The following CLDN16 variants were observed in gnomAD, a reference collection of about 807,000 sequenced individuals.
CLDN16 encodes the protein claudin 16.
A neutral mutation model predicts 24.6 loss-of-function variants in CLDN16; 13 were observed. The ratio of observed to expected loss-of-function variants is 0.53; its 90% CI spans 0.34 to 0.84. CLDN16 has a LOEUF of 0.84. Ranked by LOEUF, CLDN16 falls within the 40% of genes least tolerant of loss-of-function variation. The probability of loss-of-function intolerance (pLI) is 0.01; values close to 1 mark genes in which losing one functional copy is unlikely to be tolerated. For missense variants in CLDN16, 298 were observed against 292.7 expected, an observed-to-expected ratio of 1.02 and a Z score of -0.13; for synonymous variants, 116 against 106.7, an observed-to-expected ratio of 1.09 and a Z score of -0.54.
upstream of CLDN16, among the ~76,000 whole-genome samples, chr3:190,384,642 C>T (rs780249295): frequency 6.6e-6 from 1 of 152,162 alleles, no homozygotes; most frequent in Non-Finnish European, 1.5e-5. Context: ...GATTAGGACA[C>T]TTTTGCCAGC....
intron 1 of CLDN16, among the ~76,000 whole-genome samples, chr3:190,333,609 C>T (rs912399651): frequency 3.3e-5 from 5 of 151,754 alleles, no homozygotes; most frequent in Non-Finnish European, 7.4e-5. Context: ...ATCTACTGAT[C>T]TTTCATCTTT....
intron 1 of CLDN16, among the ~76,000 whole-genome samples, chr3:190,365,029 C>G (rs982628465): frequency 1.3e-5 from 2 of 151,778 alleles, no homozygotes; most frequent in African/African-American, 4.8e-5. Context: ...GGAATTTGCT[C>G]TCAGCCCCCT....
At chr3:190,396,120 T>C (rs190962488) in intron 1 of CLDN16, among the ~76,000 whole-genome samples, 1 of 152,296 alleles carries the variant, frequency 6.6e-6, no homozygotes, top group Non-Finnish European at 1.5e-5. Flanking sequence ...GAAGTCTTAA[T>C]GGGAGACTGC....
the CLDN16 span, chr3:190,312,929 C>T: frequency 8.1e-6 from 13 of 1,614,078 alleles, 1 homozygote; most frequent in East Asian, 8.9e-5. Flanking sequence ...TGCACCTCAT[C>T]GTCTTCCAAG....
At chr3:190,292,122 T>A in the CLDN16 span, among the ~76,000 whole-genome samples, 4 of 152,222 alleles carry the variant, frequency 2.6e-5, no homozygotes, top group Non-Finnish European at 5.9e-5. Flanking sequence ...ACCCCACATT[T>A]ATTTCCCTTC....
At chr3:190,313,031 A>G in the CLDN16 span, 6 of 1,614,044 alleles carry the variant, frequency 3.7e-6, no homozygotes, top group African/African-American at 1.3e-5. Context: ...GTTGCTTGCA[A>G]TGTGCCTGGC....
intron 1 of CLDN16, among the ~76,000 whole-genome samples, chr3:190,356,197 T>C (rs962499399): frequency 6.6e-6 from 1 of 151,812 alleles, no homozygotes; most frequent in Admixed American, 6.6e-5. Flanking sequence ...AATATATTAG[T>C]AATGACATCT....
At chr3:190,307,594 A>C in the CLDN16 span, 1 of 152,210 alleles carries the variant, frequency 6.6e-6, no homozygotes, top group African/African-American at 2.4e-5. Context: ...AATGTAGGCT[A>C]TGAAATGTGT....
intron 1 of CLDN16, among the ~76,000 whole-genome samples, chr3:190,400,733 T>G (rs1468846818): frequency 3.3e-5 from 5 of 152,210 alleles, no homozygotes; most frequent in African/African-American, 1.2e-4. Flanking sequence ...GTTGGATATC[T>G]AGGTTGATTC....
At chr3:190,353,729 T>G (rs977508939) in intron 1 of CLDN16, among the ~76,000 whole-genome samples, 9 of 152,106 alleles carry the variant, frequency 5.9e-5, no homozygotes, top group African/African-American at 1.4e-4. Flanking sequence ...TCATTTTTAT[T>G]GATAAGTTGC....
At chr3:190,355,486 A>G (rs1717748728) in intron 1 of CLDN16, among the ~76,000 whole-genome samples, 2 of 151,896 alleles carry the variant, frequency 1.3e-5, no homozygotes, top group South Asian at 4.1e-4. Flanking sequence ...AATTAAAACT[A>G]CTTGAGAAAT....
the CLDN16 span, among the ~76,000 whole-genome samples, chr3:190,290,905 T>TA: frequency 6.6e-6 from 1 of 152,116 alleles, no homozygotes; most frequent in Non-Finnish European, 1.5e-5. Context: ...TGTGGGAATA[T>TA]AAAAAATGTG....
In CLDN16 at chr3:190,374,258, C is replaced by T. The variant is rs186329400; in HGVS notation, n.231-270C>T. On this transcript the variant is annotated intron_variant and non_coding_transcript_variant, in intron 2 of 4. Coordinates refer to the CLDN16 transcript ENST00000468220. Reference sequence around the variant, plus strand: ...TGGTTTTCTCTATTTTCCTTCCAGCCCTGAAAAACATTGTGTGTGTGTGTG... The same window carrying T: ...TGGTTTTCTCTATTTTCCTTCCAGCTCTGAAAAACATTGTGTGTGTGTGTG... Among the ~76,000 whole-genome samples the T allele has an allele frequency of 1.6e-4, 22 of 135,748 alleles. No individual in the cohort carries two copies. In the East Asian group the frequency reaches 4.5e-3, roughly 28 times the overall value. 89.1% of individuals were successfully genotyped at this position (135,748 alleles called of 152,430 possible). A position where few individuals can be genotyped will look rare whatever the true frequency, so the allele number is the denominator to read the frequency against.
intron 1 of CLDN16, among the ~76,000 whole-genome samples, chr3:190,364,809 G>T (rs1717982485): frequency 6.6e-6 from 1 of 151,800 alleles, no homozygotes; most frequent in Admixed American, 6.6e-5. Flanking sequence ...CTGTCTCAAA[G>T]AGGGGAGCTG....
intron 1 of CLDN16, among the ~76,000 whole-genome samples, chr3:190,348,965 C>T (rs1205699797): frequency 2.6e-5 from 4 of 152,192 alleles, no homozygotes; most frequent in African/African-American, 9.7e-5. Flanking sequence ...TGGTCTTTAG[C>T]TCCATCCATG....
the CLDN16 span, among the ~76,000 whole-genome samples, chr3:190,299,153 T>TC: frequency 5.9e-5 from 9 of 152,178 alleles, no homozygotes; most frequent in African/African-American, 2.2e-4. Flanking sequence ...AAAATTACAT[T>TC]TTTCATTAAT....
the CLDN16 span, chr3:190,306,181 T>C: frequency 6.6e-6 from 1 of 152,200 alleles, no homozygotes; most frequent in Non-Finnish European, 1.5e-5. Context: ...TGAGTTATTA[T>C]GATTCAAAAA....
At chr3:190,328,144 G>T (rs995067524) in intron 1 of CLDN16, among the ~76,000 whole-genome samples, 2 of 151,886 alleles carry the variant, frequency 1.3e-5, no homozygotes, top group African/African-American at 2.4e-5. Context: ...GCTAGACATG[G>T]GTGGCATGCA....
chr3:190,358,968 A>AT (rs1226848286), intron 1 of CLDN16, among the ~76,000 whole-genome samples: 1 of 151,960 alleles, frequency 6.6e-6, no homozygotes, highest in Non-Finnish European at 1.5e-5. Flanking sequence ...CTAATTTATT[A>AT]TTTTTTTAAA....
Sources: allele counts gnomAD v4.1 joint callset (sites outside exome capture counted in the v4.1 genomes callset), GRCh38; gene constraint gnomAD v4.1.1; transcripts MANE v1.5; gene names NCBI Gene and HGNC (gene_info 2026-07-23, HGNC 2026-07-21).